The following GYPB variants were observed in gnomAD, a reference collection of about 807,000 sequenced individuals.
GYPB encodes the protein glycophorin B (MNS blood group).
In GYPB, 13 loss-of-function variants were observed where a neutral mutation model predicts 15.3. The ratio of observed to expected loss-of-function variants is 0.85; its 90% CI spans 0.55 to 1.35. GYPB has a LOEUF of 1.35. GYPB is among the 40% of genes most tolerant of loss of function. GYPB has a pLI of 0.00. For missense variants in GYPB, 131 were observed against 108.3 expected, an observed-to-expected ratio of 1.21 and a Z score of -0.93; for synonymous variants, 38 against 36.9, an observed-to-expected ratio of 1.03 and a Z score of -0.11.
chr4:144,001,379 C>CA (rs1258457336), intron 1 of GYPB, 96 bp from the exon 2 acceptor site: 4 of 1,599,500 alleles, frequency 2.5e-6, no homozygotes, highest in African/African-American at 2.8e-5. Flanking sequence ...CACATCCCTC[C>CA]AGTCCCTGAG....
chr4:144,010,033 T>C (rs960360451), intron 1 of GYPB, among the ~76,000 whole-genome samples: 2 of 151,432 alleles, frequency 1.3e-5, no homozygotes, highest in East Asian at 1.9e-4. Flanking sequence ...TTAGCATAAC[T>C]AGAATGTCTG....
intron 1 of GYPB, among the ~76,000 whole-genome samples, chr4:144,001,843 C>T (rs35135410): frequency 6.6e-6 from 1 of 150,526 alleles, no homozygotes; most frequent in South Asian, 2.1e-4. Flanking sequence ...AATCTTACTT[C>T]TTCAATAAAA....
chr4:144,018,241 A>G (rs1560718729), intron 1 of GYPB, among the ~76,000 whole-genome samples: 1 of 151,354 alleles, frequency 6.6e-6, no homozygotes, highest in Non-Finnish European at 1.5e-5. Context: ...GTGGGCCCTT[A>G]ATTTGCCTTA....
At chr4:144,001,356 G>C in intron 1 of GYPB, 73 bp from the exon 2 acceptor site, 1 of 1,610,890 alleles carries the variant, frequency 6.2e-7, no homozygotes, top group Non-Finnish European at 8.5e-7. Context: ...TATCACAAAA[G>C]ACAAATTCCT....
chr4:144,003,532 T>C (rs1349270301), intron 1 of GYPB, among the ~76,000 whole-genome samples: 9 of 151,476 alleles, frequency 5.9e-5, no homozygotes, highest in Non-Finnish European at 1.3e-4. Flanking sequence ...CTAACATCTC[T>C]TAAAATTGGC....
At position 143,999,394 on chromosome 4, in the gene GYPB, G is replaced by C. The variant is rs1255131757; in HGVS notation, c.175+17C>G. On this transcript the variant is annotated intron_variant, in intron 3 of 4. Transcript: ENST00000502664. ...TAAAATGGAATGACTTTTATTCTTT[G>C]TCAAATATTAACATACCTGGTACAG... 3 of 1,438,162 alleles carry C rather than the reference G, an allele frequency of 2.1e-6. No homozygotes were observed. In the Admixed American group the frequency reaches 5.3e-5, roughly 25 times the overall value. 89.1% of individuals were successfully genotyped at this position (1,438,162 alleles called of 1,614,324 possible). A position where few individuals can be genotyped will look rare whatever the true frequency, so the allele number is the denominator to read the frequency against.
chr4:144,012,151 C>T (rs1327176729), intron 1 of GYPB, among the ~76,000 whole-genome samples: 3 of 151,806 alleles, frequency 2.0e-5, no homozygotes, highest in African/African-American at 7.3e-5. Context: ...GAAGACAGAC[C>T]GTCAACCTTC....
At position 144,017,538 on chromosome 4, in the gene GYPB, C is replaced by T. The variant is rs569845677; in HGVS notation, c.37+1713G>A. Among the ~76,000 whole-genome samples, 33 of 150,944 alleles carry T rather than the reference C, an allele frequency of 2.2e-4. No homozygotes were observed. In the East Asian group the frequency reaches 3.9e-3, roughly 18 times the overall value. The stretch of plus-strand genomic sequence containing the variant: ...TGGAGACCATTGTAGCTTTCAGGGT[C>T]ATCTTGCCCCAGTGACCTCTTTATC... On this transcript the variant is annotated intron_variant, in intron 1 of 4. Transcript: ENST00000502664.
chr4:143,999,879 T>C (rs1011117866), intron 2 of GYPB, among the ~76,000 whole-genome samples: 6 of 151,568 alleles, frequency 4.0e-5, no homozygotes, highest in Non-Finnish European at 7.3e-5. Flanking sequence ...TTCTGATTTA[T>C]GCCATAGCCA....
At chr4:144,002,709 A>G (rs1439374723) in intron 1 of GYPB, 2 of 1,285,868 alleles carry the variant, frequency 1.6e-6, no homozygotes, top group Non-Finnish European at 2.0e-6. Flanking sequence ...AGAGCACACA[A>G]ATAACAGAAA....
Position 143,996,164 on chromosome 4 carries a change from G to A in GYPB, c.*135C>T, listed in dbSNP as rs1727297260. The A allele has an allele frequency of 6.6e-7, 1 of 1,523,148 alleles. No homozygotes were observed. Among genetic ancestry groups the A allele is most frequent in the Non-Finnish European group, 8.9e-7 (1 of 1,129,890 alleles). 94.4% of individuals were successfully genotyped at this position (1,523,148 alleles called of 1,614,324 possible). On this transcript the variant is annotated 3_prime_UTR_variant, in exon 5 of 5. Coordinates refer to ENST00000502664, the MANE Select transcript of GYPB (RefSeq NM_002100.6). ...TAGAGAATACAGTAATAGTGAGGCA[G>A]GAGAACAGGGAATTAGGATAGCCAG...
chr4:143,995,419 CCTT>C (rs1443409869), downstream of GYPB, among the ~76,000 whole-genome samples: 2 of 151,332 alleles, frequency 1.3e-5, no homozygotes, highest in Non-Finnish European at 2.9e-5. Flanking sequence ...CTCAGACACT[CCTT>C]CTGACTCCAA....
downstream of GYPB, among the ~76,000 whole-genome samples, chr4:143,995,724 T>G (rs1727281242): frequency 6.6e-6 from 1 of 151,274 alleles, no homozygotes; most frequent in South Asian, 2.1e-4. Context: ...GAACTATAAT[T>G]AAGATCAATG....
chr4:144,007,616 A>G (rs1727990390), intron 1 of GYPB, among the ~76,000 whole-genome samples: 1 of 151,516 alleles, frequency 6.6e-6, no homozygotes, highest in African/African-American at 2.4e-5. Context: ...TTCAGCCTGG[A>G]CAGATGGAAA....
At chr4:144,017,439 A>G (rs1327986676) in intron 1 of GYPB, among the ~76,000 whole-genome samples, 1 of 150,952 alleles carries the variant, frequency 6.6e-6, no homozygotes, top group African/African-American at 2.5e-5. Flanking sequence ...CCTTTCTGTT[A>G]TACTATAAAG....
chr4:143,999,049 T>C (rs1727471741), intron 3 of GYPB, among the ~76,000 whole-genome samples: 1 of 151,056 alleles, frequency 6.6e-6, no homozygotes, highest in South Asian at 2.1e-4. Context: ...CAGTTGAGAC[T>C]ACAGGTGCAT....
At chr4:144,001,486 G>A (rs1727625291) in intron 1 of GYPB, among the ~76,000 whole-genome samples, 1 of 151,440 alleles carries the variant, frequency 6.6e-6, no homozygotes, top group Admixed American at 6.6e-5. Flanking sequence ...GGGGCCAGAA[G>A]CCCCTCCAGA....
intron 1 of GYPB, among the ~76,000 whole-genome samples, chr4:144,009,671 T>G (rs1161661015): frequency 1.5e-4 from 17 of 115,660 alleles, no homozygotes; most frequent in Non-Finnish European, 2.6e-4. Context: ...TGGAGTGCAG[T>G]GGCCCGATCT....
intron 1 of GYPB, among the ~76,000 whole-genome samples, chr4:144,009,802 A>G (rs1728123040): frequency 6.7e-6 from 1 of 149,672 alleles, no homozygotes; most frequent in Admixed American, 6.6e-5. Flanking sequence ...TTTAGTAGAG[A>G]TGGGGTTTCA....
Sources: allele counts gnomAD v4.1 joint callset (sites outside exome capture counted in the v4.1 genomes callset), GRCh38; gene constraint gnomAD v4.1.1; transcripts MANE v1.5; gene names NCBI Gene and HGNC (gene_info 2026-07-23, HGNC 2026-07-21).